Variants in CMSS1 observed in about 807,000 individuals in gnomAD.
The protein encoded by CMSS1 is protein CMSS1.
In CMSS1, 33 loss-of-function variants were observed where a neutral mutation model predicts 43.5. The observed-to-expected ratio is 0.76, with a 90% CI of 0.57 to 1.01. CMSS1 has a LOEUF of 1.01. Ranked by LOEUF, CMSS1 falls within the 50% of genes least tolerant of loss-of-function variation. The pLI, the probability that CMSS1 is intolerant of heterozygous loss-of-function variation, is 0.00. For missense variants in CMSS1, 313 were observed against 326.4 expected, an observed-to-expected ratio of 0.96 and a Z score of 0.32; for synonymous variants, 115 against 117.2, an observed-to-expected ratio of 0.98 and a Z score of 0.12.
intron 1 of CMSS1, among the ~76,000 whole-genome samples, chr3:99,993,338 A>G (rs1709578855): frequency 6.6e-6 from 1 of 151,926 alleles, no homozygotes. Context: ...TGGAGCTTGG[A>G]ACTTCACTAG....
chr3:100,166,619 GGAAGA>G (rs2067068222), intron 5 of CMSS1, among the ~76,000 whole-genome samples: 1 of 152,182 alleles, frequency 6.6e-6, no homozygotes. Context: ...TGAAAAATAA[GGAAGA>G]TGGACTATGT....
At chr3:99,942,877 G>C (rs900177013) in intron 1 of CMSS1, among the ~76,000 whole-genome samples, 3 of 151,886 alleles carry the variant, frequency 2.0e-5, no homozygotes, top group African/African-American at 7.3e-5. Flanking sequence ...AAGAAAAAAA[G>C]AGAGTGCCAT....
At chr3:100,071,637 A>C (rs1559747714) in intron 1 of CMSS1, among the ~76,000 whole-genome samples, 1 of 152,188 alleles carries the variant, frequency 6.6e-6, no homozygotes, top group Non-Finnish European at 1.5e-5. Flanking sequence ...ACTTCTGGAC[A>C]CATCTTTATC....
intron 1 of CMSS1, among the ~76,000 whole-genome samples, chr3:100,101,889 C>T (rs545618744): frequency 5.9e-5 from 9 of 151,740 alleles, no homozygotes; most frequent in African/African-American, 2.2e-4. Flanking sequence ...TTTGTCCTTG[C>T]GATAGTTTGC....
chr3:99,916,064 G>C (rs1322799037), intron 1 of CMSS1, among the ~76,000 whole-genome samples: 1 of 152,288 alleles, frequency 6.6e-6, no homozygotes, highest in African/African-American at 2.4e-5. Flanking sequence ...TGTCTGAATA[G>C]CTGGTTAAAC....
At chr3:100,149,872 G>A (rs550997657) in intron 2 of CMSS1, among the ~76,000 whole-genome samples, 4 of 152,226 alleles carry the variant, frequency 2.6e-5, no homozygotes, top group Admixed American at 6.5e-5. Flanking sequence ...CAGCTTGTGA[G>A]CTGTCCCCTC....
chr3:100,088,106 C>T (rs919438829), intron 1 of CMSS1, among the ~76,000 whole-genome samples: 2 of 152,124 alleles, frequency 1.3e-5, no homozygotes, highest in African/African-American at 4.8e-5. Context: ...GCTGGGATTA[C>T]AGGCATGAGC....
chr3:100,167,142 G>A (rs1236238097), intron 5 of CMSS1, among the ~76,000 whole-genome samples: 2 of 152,078 alleles, frequency 1.3e-5, no homozygotes, highest in Non-Finnish European at 2.9e-5. Flanking sequence ...TTAGATATAG[G>A]GAGTTTCCAT....
chr3:99,881,515 T>C (rs779100900), intron 1 of CMSS1, among the ~76,000 whole-genome samples: 1 of 152,034 alleles, frequency 6.6e-6, no homozygotes, highest in Non-Finnish European at 1.5e-5. Context: ...TGTCATATAA[T>C]TTGTAGCCCA....
At chr3:99,987,948 C>G (rs531137700) in intron 1 of CMSS1, among the ~76,000 whole-genome samples, 49 of 152,316 alleles carry the variant, frequency 3.2e-4, no homozygotes, top group African/African-American at 1.1e-3. Flanking sequence ...GTTGAGGATA[C>G]TGTTCTTCCA....
rs375696293 is a variant in CMSS1 at position 100,071,136 on chromosome 3, T to G, written c.65-75837T>G. ...TGGATGGATTAGCATTTCCAAACTT[T>G]CTTTTTAAGTTCTTATAATTACCCC... is the stretch of plus-strand genomic sequence containing the variant. On this transcript the variant is annotated intron_variant, in intron 1 of 9. Coordinates refer to ENST00000421999, the MANE Select transcript of CMSS1 (RefSeq NM_032359.4). Among the ~76,000 whole-genome samples, 12 of 146,666 alleles carry G rather than the reference T, an allele frequency of 8.2e-5. No homozygotes were observed. The South Asian group carries it at 1.1e-3, about 13-fold the overall frequency.
intron 1 of CMSS1, among the ~76,000 whole-genome samples, chr3:99,987,061 A>G (rs1318229782): frequency 6.6e-6 from 1 of 151,050 alleles, no homozygotes; most frequent in Non-Finnish European, 1.5e-5. Context: ...ACACCCCATC[A>G]CTACAAAAAA....
chr3:99,939,834 T>G (rs1336794034), intron 1 of CMSS1, among the ~76,000 whole-genome samples: 3 of 152,242 alleles, frequency 2.0e-5, no homozygotes, highest in Non-Finnish European at 4.4e-5. Flanking sequence ...TCTTCAATAA[T>G]TTTAGTTTAC....
chr3:99,983,464 G>GTATGTGTATATATATATATATATA (rs1709219766), intron 1 of CMSS1, among the ~76,000 whole-genome samples: 1 of 12,676 alleles, frequency 7.9e-5, no homozygotes, highest in Non-Finnish European at 1.7e-4. Flanking sequence ...ATATATGTGT[G>GTATGTGTATATATATATATATATA]TATATATATA....
At chr3:100,083,388 G>A (rs2065960948) in intron 1 of CMSS1, among the ~76,000 whole-genome samples, 1 of 152,218 alleles carries the variant, frequency 6.6e-6, no homozygotes, top group Non-Finnish European at 1.5e-5. Flanking sequence ...TGCAAGACAT[G>A]AAACTTCCTA....
At chr3:100,095,377 G>A (rs1242107828) in intron 1 of CMSS1, among the ~76,000 whole-genome samples, 1 of 152,060 alleles carries the variant, frequency 6.6e-6, no homozygotes, top group Admixed American at 6.5e-5. Context: ...CTTGGGTTCT[G>A]TATCCGTGAA....
chr3:100,050,964 C>T (rs956267136), intron 1 of CMSS1, among the ~76,000 whole-genome samples: 1 of 152,164 alleles, frequency 6.6e-6, no homozygotes, highest in Non-Finnish European at 1.5e-5. Context: ...TCTATAATGC[C>T]CTCTACCAAA....
intron 1 of CMSS1, among the ~76,000 whole-genome samples, chr3:99,972,567 A>T (rs1030150080): frequency 6.6e-6 from 1 of 152,180 alleles, no homozygotes; most frequent in Non-Finnish European, 1.5e-5. Flanking sequence ...AGCTGCTCCC[A>T]GTCATTCTTT....
chr3:100,114,484 G>A (rs1424646233), intron 1 of CMSS1: 5 of 154,804 alleles, frequency 3.2e-5, no homozygotes, highest in Admixed American at 6.5e-5. Flanking sequence ...CACAGGCTCC[G>A]TGAGCACGTC....
Sources: allele counts gnomAD v4.1 joint callset (sites outside exome capture counted in the v4.1 genomes callset), GRCh38; gene constraint gnomAD v4.1.1; transcripts MANE v1.5; gene names NCBI Gene and HGNC (gene_info 2026-07-23, HGNC 2026-07-21).